TARS1: variants seen among roughly 807,000 people sequenced by gnomAD.
The protein encoded by TARS1 is threonyl-tRNA synthetase 1.
A neutral mutation model predicts 97.7 loss-of-function variants in TARS1; 57 were observed. The observed-to-expected ratio is 0.58, with a 90% CI of 0.47 to 0.73. The LOEUF (loss-of-function observed/expected upper bound fraction) is 0.73. TARS1 is among the 30% of genes least tolerant of loss of function. The pLI, the probability that TARS1 is intolerant of heterozygous loss-of-function variation, is 0.00. For missense variants in TARS1, 806 were observed against 888.3 expected, an observed-to-expected ratio of 0.91 and a Z score of 1.18; for synonymous variants, 312 against 293.7, an observed-to-expected ratio of 1.06 and a Z score of -0.64.
chr5:33,454,886 A>T, intron 4 of TARS1, 59 bp from the exon 5 acceptor site: 1 of 1,580,730 alleles, frequency 6.3e-7, no homozygotes, highest in Non-Finnish European at 8.6e-7. Flanking sequence ...AGACAACCAC[A>T]TTAATTGGCA....
Position 33,461,975 on chromosome 5 carries a change from T to G in TARS1, c.1699T>G (p.Leu567Val). Residue 567 changes from leucine (L) to valine (V), a missense_variant, in exon 15 of 19, where the codon TTG becomes GTG. By Grantham distance (32) the Leu-to-Val change is conservative. This residue lies in a region of TARS1 where 446 missense variants were observed against 511.0 expected (regional missense o/e 0.87). Coordinates refer to ENST00000265112, the MANE Select transcript of TARS1 (RefSeq NM_152295.5). ...QCATIQLDFQ[L>V]PIRFNLTYVS... ...TGCAACCATCCAGCTGGATTTCCAG[T>G]TGCCCATCAGATTTAATCTTACTTA... The G allele has an allele frequency of 6.2e-7, 1 of 1,614,064 alleles. No individual in the cohort carries two copies. Among genetic ancestry groups the G allele is most frequent in the Non-Finnish European group, 8.5e-7 (1 of 1,179,936 alleles).
intron 3 of TARS1, among the ~76,000 whole-genome samples, chr5:33,451,121 A>C (rs1438494387): frequency 6.6e-6 from 1 of 152,220 alleles, no homozygotes; most frequent in African/African-American, 2.4e-5. Context: ...CTCCAGGGAA[A>C]AAAATAAAAG....
At chr5:33,451,839 G>C (rs3777076) in intron 3 of TARS1, among the ~76,000 whole-genome samples, 30,761 of 152,104 alleles carry the variant, frequency 0.2, 3,588 homozygotes, top group East Asian at 0.5. Context: ...AGAATATAGA[G>C]AATATGATTA....
At chr5:33,455,752 C>A in intron 6 of TARS1, 48 bp downstream of exon 6, 2 of 1,331,542 alleles carry the variant, frequency 1.5e-6, no homozygotes, top group South Asian at 2.5e-5. Flanking sequence ...ATCATTTATT[C>A]ATGTTAGTTG....
At chr5:33,458,183 C>A (rs1375465260) in intron 9 of TARS1, among the ~76,000 whole-genome samples, 1 of 152,080 alleles carries the variant, frequency 6.6e-6, no homozygotes, top group Non-Finnish European at 1.5e-5. Flanking sequence ...GATACTCTTA[C>A]TAAGAAAATA....
chr5:33,445,261 G>T, intron 1 of TARS1, 63 bp from the exon 2 acceptor site: 1 of 1,248,180 alleles, frequency 8.0e-7, no homozygotes. Flanking sequence ...AACACTTCCT[G>T]GGGCATCACA....
intron 3 of TARS1, among the ~76,000 whole-genome samples, chr5:33,450,721 G>A (rs1197695563): frequency 6.6e-6 from 1 of 152,140 alleles, no homozygotes; most frequent in Non-Finnish European, 1.5e-5. Flanking sequence ...TGTTAGTTTG[G>A]GAACTTTTTC....
intron 10 of TARS1, among the ~76,000 whole-genome samples, 192 bp from the exon 11 acceptor site, chr5:33,459,503 C>T (rs189791406): frequency 9.8e-4 from 150 of 152,328 alleles, no homozygotes; most frequent in Non-Finnish European, 2.5e-4. Flanking sequence ...AGTAGCATCA[C>T]TTTTATAAGC....
At chr5:33,459,319 A>G (rs893352922) in intron 10 of TARS1, among the ~76,000 whole-genome samples, 2 of 152,248 alleles carry the variant, frequency 1.3e-5, no homozygotes, top group African/African-American at 4.8e-5. Flanking sequence ...TGTGTGTTAC[A>G]TATAGGAAGC....
intron 18 of TARS1, 84 bp from the exon 19 acceptor site, chr5:33,467,476 A>G (rs1303341564): frequency 1.3e-6 from 2 of 1,509,648 alleles, no homozygotes; most frequent in Non-Finnish European, 1.8e-6. Flanking sequence ...TTTGGGTCCT[A>G]GGATCATTTC....
At position 33,461,858 on chromosome 5, in the gene TARS1, A is replaced by T. The variant is rs763494568; in HGVS notation, c.1630-48A>T. On this transcript the variant is annotated intron_variant, in intron 14 of 18. Transcript: ENST00000265112. ...AGCCCTAATCCAACTATTGAGCTCCACTTTAGTATCACTGGCATTTTATAA... is the reference window on the plus strand; with the variant it reads ...AGCCCTAATCCAACTATTGAGCTCCTCTTTAGTATCACTGGCATTTTATAA... The T allele has an allele frequency of 2.0e-5, 32 of 1,595,364 alleles. 1 individual carries two copies. The highest frequency in any genetic ancestry group is 2.7e-5 in the Non-Finnish European group (32 of 1,163,900).
intron 3 of TARS1, among the ~76,000 whole-genome samples, chr5:33,450,077 T>C (rs777826613): frequency 1.3e-5 from 2 of 152,246 alleles, no homozygotes; most frequent in Non-Finnish European, 2.9e-5. Flanking sequence ...TTTCATGTAG[T>C]TGTAGAGTTA....
chr5:33,446,771 A>G, intron 2 of TARS1: 1 of 1,285,452 alleles, frequency 7.8e-7, no homozygotes, highest in Non-Finnish European at 1.0e-6. Flanking sequence ...GCAGGTGGGT[A>G]GGATTATAAT....
rs1742632457 is a variant in TARS1, at chr5:33,468,078, A to AT, written c.*373dup. 5.7e-6 allele frequency: 1 copy of AT among 175,290 alleles called. No individual in the cohort carries two copies. The highest frequency in any genetic ancestry group is 2.4e-5 in the African/African-American group (1 of 41,834). 10.9% of individuals were successfully genotyped at this position (175,290 alleles called of 1,614,324 possible). A position where few individuals can be genotyped will look rare whatever the true frequency, so the allele number is the denominator to read the frequency against. On this transcript the variant is annotated 3_prime_UTR_variant, in exon 19 of 19. Transcript: ENST00000265112. ...ATTATGGTGTAAAAATAAAAAAAAA[A>AT]TTTATTCACATAAGTTTCAAGACTG...
intron 5 of TARS1, 69 bp downstream of exon 5, chr5:33,455,135 T>G (rs1741951485): frequency 6.3e-7 from 1 of 1,578,832 alleles, no homozygotes; most frequent in South Asian, 1.1e-5. Flanking sequence ...TCTTAAGAGT[T>G]CTCAGTAAGG....
intron 8 of TARS1, 135 bp downstream of exon 8, chr5:33,456,362 G>A: frequency 9.9e-6 from 7 of 705,602 alleles, no homozygotes; most frequent in Non-Finnish European, 1.4e-5. Flanking sequence ...CTATTAACTG[G>A]GAGCTGTATG....
intron 3 of TARS1, among the ~76,000 whole-genome samples, chr5:33,449,545 T>G (rs1352494266): frequency 7.7e-6 from 1 of 130,504 alleles, no homozygotes; most frequent in Non-Finnish European, 1.6e-5. Context: ...AAGCTCCACC[T>G]CCCAGGTTCA....
At position 33,457,262 on chromosome 5, in the gene TARS1, C is replaced by T. The variant is rs1424142681; in HGVS notation, c.843C>T (p.Ser281=). ...KIKALKIHKN[S]STYWEGKADM... is the part of the protein sequence containing the mutation. ...TGGTTAATCCTTGTTTTCAGAATTC[C>T]TCCACGTACTGGGAAGGCAAAGCAG... Residue 281 remains serine, a synonymous_variant, in exon 9 of 19, where the codon TCC becomes TCT. Transcript: ENST00000265112. 6.2e-7 allele frequency: 1 copy of T among 1,611,242 alleles called. No individual in the cohort carries two copies. The highest frequency in any genetic ancestry group is 1.3e-5 in the African/African-American group (1 of 74,710).
chr5:33,449,416 G>A (rs577663597), intron 3 of TARS1, among the ~76,000 whole-genome samples: 10 of 140,074 alleles, frequency 7.1e-5, no homozygotes, highest in South Asian at 4.8e-4. Flanking sequence ...TCCTGAAAGC[G>A]AAAAATAAAA....
Sources: allele counts gnomAD v4.1 joint callset (sites outside exome capture counted in the v4.1 genomes callset), GRCh38; gene constraint gnomAD v4.1.1; regional missense constraint gnomAD v4.1.1; transcripts MANE v1.5; gene names NCBI Gene and HGNC (gene_info 2026-07-23, HGNC 2026-07-21).